Variants in SMARCA5 observed in about 807,000 individuals in gnomAD.
The protein encoded by SMARCA5 is SNF2 related chromatin remodeling ATPase 5, also known as SWI/SNF-related matrix-associated actin-dependent regulator of chromatin subfamily A member 5.
A neutral mutation model predicts 140.4 loss-of-function variants in SMARCA5; 18 were observed. The observed-to-expected ratio is 0.13, with a 90% CI of 0.09 to 0.19. The LOEUF is 0.19. Among genes scored for constraint, SMARCA5 ranks in the 10% least tolerant of loss-of-function variants. SMARCA5 has a pLI of 1.00. For missense variants in SMARCA5, 606 were observed against 1,276.8 expected (o/e 0.47, Z 8.01); for synonymous variants, 449 against 419.6 (o/e 1.07, Z -0.86).
intron 8 of SMARCA5, among the ~76,000 whole-genome samples, chr4:143,529,341 C>G (rs1391279558): frequency 6.6e-6 from 1 of 152,164 alleles, no homozygotes; most frequent in African/African-American, 2.4e-5. Context: ...TCTAGGTTGA[C>G]TGGTTATGTT....
Position 143,547,378 on chromosome 4 carries a change from T to C in SMARCA5, c.2654-7T>C. On this transcript the variant is annotated splice_polypyrimidine_tract_variant and splice_region_variant and intron_variant, in intron 20 of 23. Transcript: ENST00000283131. Reference sequence around the variant, plus strand: ...AATGATTTGTTTACTTTGTCCAACTTTTACAGCTGTGTTTTGGGAAAGGTG... The same window carrying C: ...AATGATTTGTTTACTTTGTCCAACTCTTACAGCTGTGTTTTGGGAAAGGTG... 2 of 1,457,240 alleles carry C rather than the reference T, an allele frequency of 1.4e-6. No homozygotes were observed. Among genetic ancestry groups the C allele is most frequent in the Non-Finnish European group, 1.9e-6 (2 of 1,047,746 alleles). 90.3% of individuals were successfully genotyped at this position (1,457,240 alleles called of 1,614,324 possible). A position where few individuals can be genotyped will look rare whatever the true frequency, so the allele number is the denominator to read the frequency against.
Position 143,543,540 on chromosome 4 carries a change from T to A in SMARCA5, c.1935T>A (p.Ile645=). 1 of 1,613,234 alleles carries A rather than the reference T, an allele frequency of 6.2e-7. No homozygotes were observed. Among genetic ancestry groups the A allele is most frequent in the Non-Finnish European group, 8.5e-7 (1 of 1,179,606 alleles). Residue 645 remains isoleucine, a synonymous_variant, in exon 15 of 24, where the codon ATT becomes ATA. Transcript: ENST00000283131. ...TTGTGGATCAGAATCTGAACAAAAT[T>A]GGGAAAGATGAAATGCTTCAAATGA... ...GRLVDQNLNK[I]GKDEMLQMIR...
Position 143,514,418 on chromosome 4 carries a change from C to G in SMARCA5, c.177+317C>G, listed in dbSNP as rs540508573. 3.2e-4 allele frequency: 99 copies of G among 312,706 alleles called. 2 individuals are homozygous for G. The highest frequency in any genetic ancestry group is 1.8e-3 in the African/African-American group (82 of 45,910). The allele number at this position is 312,706 out of a possible 1,614,324, so 19.4% of individuals were successfully genotyped here. On this transcript the variant is annotated intron_variant, in intron 1 of 23. Coordinates refer to ENST00000283131, the MANE Select transcript of SMARCA5 (RefSeq NM_003601.4). ...CGGGGGACCCATCGTTTTTTTCCCA[C>G]TAGACTCCCATAATTCCCTCTCCTA...
In SMARCA5 at chr4:143,517,601, T is replaced by C. The variant is rs111437675; in HGVS notation, c.252+172T>C. On this transcript the variant is annotated intron_variant, in intron 2 of 23. Coordinates refer to ENST00000283131, the MANE Select transcript of SMARCA5 (RefSeq NM_003601.4). Reference sequence around the variant, plus strand: ...GTTCTGGAGGCTGGCAAGTCCAAGGTCAAGGCCAGCATTTGTTGAGGGCCT... The same window carrying C: ...GTTCTGGAGGCTGGCAAGTCCAAGGCCAAGGCCAGCATTTGTTGAGGGCCT... Among the ~76,000 whole-genome samples the C allele has an allele frequency of 6.5e-3, 985 of 152,300 alleles. 16 individuals carry two copies. Among genetic ancestry groups the C allele is most frequent in the African/African-American group, 0.023 (943 of 41,568 alleles).
rs200924667 is a variant in SMARCA5, at chr4:143,527,912, A to G, written c.846A>G (p.Val282=). 2.5e-6 allele frequency: 4 copies of G among 1,599,926 alleles called. No individual in the cohort carries two copies. The highest frequency in any genetic ancestry group is 1.4e-5 in the African/African-American group (1 of 73,938). Residue 282 remains valine, a synonymous_variant, in exon 7 of 24, where the codon GTA becomes GTG. Transcript: ENST00000283131. ...RDVLLPGEWD[V]CVTSYEMLIK... ...TTTTATTACCGGGAGAATGGGATGT[A>G]TGTGTAACATCTTATGAAATGCTTA...
chr4:143,526,145 A>G, intron 5 of SMARCA5, 136 bp from the exon 6 acceptor site: 1 of 694,244 alleles, frequency 1.4e-6, no homozygotes, highest in South Asian at 1.8e-5. Context: ...ACTTTGATAT[A>G]TGTTAAGTTT....
chr4:143,552,863 C>A (rs777921109), intron 23 of SMARCA5, among the ~76,000 whole-genome samples: 1 of 151,894 alleles, frequency 6.6e-6, no homozygotes, highest in Non-Finnish European at 1.5e-5. Flanking sequence ...TGATATTGAT[C>A]TACTACTGTT....
intron 1 of SMARCA5, chr4:143,514,456 GT>G: frequency 4.8e-6 from 1 of 208,998 alleles, no homozygotes. Flanking sequence ...TCTGAATGTG[GT>G]TTTTAGTTTC....
At chr4:143,533,024 A>G (rs535152925) in intron 9 of SMARCA5, among the ~76,000 whole-genome samples, 14 of 152,318 alleles carry the variant, frequency 9.2e-5, no homozygotes, top group Middle Eastern at 6.8e-3. Flanking sequence ...TATAGTCACT[A>G]TTTTTAAAAA....
In SMARCA5 at chr4:143,543,630, T is replaced by C; in HGVS notation, c.2025T>C (p.Asp675=). The change falls in exon 15 of 24, where the codon GAT becomes GAC. Residue 675 remains aspartate, a synonymous_variant. Transcript: ENST00000283131. ...GTGAGATCACTGATGAAGATATCGATGGTATTTTGGAAAGAGGTGCAAAGA... is the reference window on the plus strand; with the variant it reads ...GTGAGATCACTGATGAAGATATCGACGGTATTTTGGAAAGAGGTGCAAAGA... ...KESEITDEDI[D]GILERGAKKT... 6.2e-7 allele frequency: 1 copy of C among 1,613,152 alleles called. No homozygotes were observed. The highest frequency in any genetic ancestry group is 8.5e-7 in the Non-Finnish European group (1 of 1,179,452).
At position 143,556,497 on chromosome 4, in the gene SMARCA5, AC is replaced by A. The variant is rs1737760454; in HGVS notation, c.*3314del. On this transcript the variant is annotated 3_prime_UTR_variant, in exon 24 of 24. Coordinates refer to ENST00000283131, the MANE Select transcript of SMARCA5 (RefSeq NM_003601.4). ...GTAGAACATTGCTAAAAAAATGGGT[AC>A]TAAGGAGGGTAATTTAAACAAAGTA... The A allele has an allele frequency of 6.6e-6, 1 of 152,228 alleles. No individual in the cohort carries two copies. Among genetic ancestry groups the A allele is most frequent in the Admixed American group, 6.5e-5 (1 of 15,284 alleles). 9.4% of individuals were successfully genotyped at this position (152,228 alleles called of 1,614,324 possible). A position where few individuals can be genotyped will look rare whatever the true frequency, so the allele number is the denominator to read the frequency against.
chr4:143,551,526 A>G (rs1737639949), intron 23 of SMARCA5, among the ~76,000 whole-genome samples: 1 of 152,036 alleles, frequency 6.6e-6, no homozygotes, highest in Non-Finnish European at 1.5e-5. Context: ...GTAGTTTCAC[A>G]GTTTGAGGAC....
At chr4:143,540,054 A>ATAC (rs1215047720) in intron 13 of SMARCA5, among the ~76,000 whole-genome samples, 1 of 152,188 alleles carries the variant, frequency 6.6e-6, no homozygotes, top group Non-Finnish European at 1.5e-5. Context: ...TCTTTGCCTG[A>ATAC]TAGCAGTGAC....
chr4:143,551,556 TTGATTTG>T (rs1737640883), intron 23 of SMARCA5, among the ~76,000 whole-genome samples: 1 of 152,110 alleles, frequency 6.6e-6, no homozygotes, highest in Non-Finnish European at 1.5e-5. Flanking sequence ...TTAATACATT[TTGATTTG>T]ATTTTTTTAT....
intron 22 of SMARCA5, 44 bp downstream of exon 22, chr4:143,548,184 G>A (rs1229655521): frequency 8.8e-7 from 1 of 1,142,060 alleles, no homozygotes; most frequent in African/African-American, 1.5e-5. Context: ...AGAGTTCAGA[G>A]TAAGTGTCAT....
chr4:143,547,603 A>T lies in SMARCA5; in HGVS notation c.2772+100A>T, dbSNP rs888578637. 3.4e-5 allele frequency: 24 copies of T among 700,242 alleles called. No individual in the cohort carries two copies. In the Middle Eastern group the frequency reaches 1.4e-3, roughly 40 times the overall value. The allele number at this position is 700,242 out of a possible 1,614,324, so 43.4% of individuals were successfully genotyped here. ...TAAAGGAAAAGAAGTAAGGGTTTAC[A>T]ATTTAAAATTTCTTCAGAGTAGCAT... On this transcript the variant is annotated intron_variant, in intron 21 of 23. Coordinates refer to ENST00000283131, the MANE Select transcript of SMARCA5 (RefSeq NM_003601.4).
intron 23 of SMARCA5, 51 bp downstream of exon 23, chr4:143,550,155 C>A: frequency 1.9e-6 from 2 of 1,060,458 alleles, no homozygotes; most frequent in Non-Finnish European, 2.7e-6. Context: ...TTTCCCCTTT[C>A]TAAGTATTTA....
intron 16 of SMARCA5, among the ~76,000 whole-genome samples, 169 bp from the exon 17 acceptor site, chr4:143,544,568 G>A (rs1737486013): frequency 6.6e-6 from 1 of 152,110 alleles, no homozygotes; most frequent in South Asian, 2.1e-4. Context: ...ACACTGTCTC[G>A]TGTTAATTAT....
At chr4:143,531,523 G>A (rs922948506) in intron 9 of SMARCA5, among the ~76,000 whole-genome samples, 4 of 152,130 alleles carry the variant, frequency 2.6e-5, no homozygotes, top group African/African-American at 4.8e-5. Flanking sequence ...AGGGGAGAAC[G>A]TGATTGTCCT....
Sources: gnomAD v4.1 joint callset for allele counts (sites outside exome capture counted in the v4.1 genomes callset) on GRCh38, gnomAD v4.1.1 for gene constraint, MANE v1.5 for transcripts, NCBI Gene and HGNC (gene_info 2026-07-23, HGNC 2026-07-21) for gene names.